CEP192: variants seen among roughly 807,000 people sequenced by gnomAD.
The protein encoded by CEP192 is centrosomal protein of 192 kDa.
Under a neutral mutation model 271.8 loss-of-function variants are expected in CEP192, and 151 were observed. The observed-to-expected ratio is 0.56, with a 90% confidence interval of 0.49 to 0.64. The LOEUF is 0.64. Among genes scored for constraint, CEP192 ranks in the 30% least tolerant of loss-of-function variants. The probability of loss-of-function intolerance (pLI) is 0.00; values close to 1 mark genes in which losing one functional copy is unlikely to be tolerated. For synonymous variants in CEP192, 995 were observed against 1,076.5 expected (o/e 0.92, Z 1.48); for missense variants, 2,910 against 3,020.5 (o/e 0.96, Z 0.86).
At chr18:13,011,971 A>G (rs930244193) in intron 4 of CEP192, among the ~76,000 whole-genome samples, 6 of 152,256 alleles carry the variant, frequency 3.9e-5, no homozygotes, top group African/African-American at 1.4e-4. Context: ...CTCATCCACA[A>G]AAAGGAGCAA....
Position 13,029,934 on chromosome 18 carries a change from C to T in CEP192, c.1322C>T (p.Ala441Val). 1 of 1,551,620 alleles carries T rather than the reference C, an allele frequency of 6.4e-7. No homozygotes were observed. Among genetic ancestry groups the T allele is most frequent in the Non-Finnish European group, 8.7e-7 (1 of 1,146,926 alleles). Residue 441 changes from alanine (A) to valine (V), a missense_variant, in exon 10 of 45, where the codon GCC becomes GTC. Ala to Val is a moderately conservative substitution (Grantham distance 64). Coordinates refer to ENST00000506447, the MANE Select transcript of CEP192 (RefSeq NM_032142.4). ...ISDSGINFTDAIWSPTCERRT... is the reference protein window; with the variant it reads ...ISDSGINFTDVIWSPTCERRT... Reference sequence around the variant, plus strand: ...GACAGTGGAATTAATTTCACTGATGCCATTTGGTCACCAACTTGTGAAAGG... The same window carrying T: ...GACAGTGGAATTAATTTCACTGATGTCATTTGGTCACCAACTTGTGAAAGG...
intron 40 of CEP192, among the ~76,000 whole-genome samples, chr18:13,107,625 A>G (rs901219823): frequency 1.3e-5 from 2 of 152,176 alleles, no homozygotes; most frequent in African/African-American, 2.4e-5. Flanking sequence ...TCTCTCCAGG[A>G]TTTTTTGTTT....
At chr18:13,056,756 A>G in intron 19 of CEP192, 58 bp downstream of exon 19, 1 of 1,390,118 alleles carries the variant, frequency 7.2e-7, no homozygotes, top group Non-Finnish European at 9.8e-7. Context: ...ATGACACCAC[A>G]AAGCTAGTTT....
At position 13,069,181 on chromosome 18, in the gene CEP192, G is replaced by T; in HGVS notation, c.5055G>T (p.Lys1685Asn). The T allele has an allele frequency of 6.2e-7, 1 of 1,611,672 alleles. No individual in the cohort carries two copies. The highest frequency in any genetic ancestry group is 8.5e-7 in the Non-Finnish European group (1 of 1,177,712). ...ACATTGAAGTTTATTTGGATATCAAGGTATGCACTTCCATGAGAGTGCCAT... is the reference window on the plus strand; with the variant it reads ...ACATTGAAGTTTATTTGGATATCAATGTATGCACTTCCATGAGAGTGCCAT... ...AGNIEVYLDI[K>N]VPEQGSHFSV... The change falls in exon 26 of 45, where the codon AAG becomes AAT. Residue 1685 changes from lysine (K) to asparagine (N), a missense_variant and splice_region_variant. Lys to Asn is a moderately conservative substitution (Grantham distance 94). Coordinates refer to ENST00000506447, the MANE Select transcript of CEP192 (RefSeq NM_032142.4).
At chr18:13,059,501 A>G (rs1318039845) in intron 21 of CEP192, among the ~76,000 whole-genome samples, 189 bp downstream of exon 21, 1 of 152,238 alleles carries the variant, frequency 6.6e-6, no homozygotes, top group Non-Finnish European at 1.5e-5. Flanking sequence ...ACAGTAACAC[A>G]AGTATACTTG....
chr18:13,068,541 G>GT (rs1160662897), intron 24 of CEP192, 119 bp downstream of exon 24: 20 of 949,606 alleles, frequency 2.1e-5, no homozygotes, highest in East Asian at 7.5e-5. Flanking sequence ...ACTATTTTAT[G>GT]TTTTTTTGAA....
rs537090881 is a variant in CEP192 at position 13,008,775 on chromosome 18, C to T, written c.466+144C>T. The T allele has an allele frequency of 2.3e-5, 14 of 617,598 alleles. No individual in the cohort carries two copies. The South Asian group carries it at 2.4e-4, about 11-fold the overall frequency. 38.3% of individuals were successfully genotyped at this position (617,598 alleles called of 1,614,324 possible). ...CTGGAGTGCAGTGGCGTGATCACAG[C>T]TCACTGCAGCCTCAACTTCCTGGGC... On this transcript the variant is annotated intron_variant, in intron 4 of 44. Coordinates refer to ENST00000506447, the MANE Select transcript of CEP192 (RefSeq NM_032142.4).
At chr18:13,036,067 G>C (rs1404142472) in intron 11 of CEP192, among the ~76,000 whole-genome samples, 1 of 151,806 alleles carries the variant, frequency 6.6e-6, no homozygotes. Flanking sequence ...AATCGCTTGA[G>C]CCCAGGAGGT....
intron 33 of CEP192, among the ~76,000 whole-genome samples, chr18:13,090,340 T>C (rs2039083335): frequency 6.6e-6 from 1 of 152,208 alleles, no homozygotes; most frequent in Non-Finnish European, 1.5e-5. Context: ...ACAAAACCTT[T>C]TTGAAGTTTG....
chr18:13,081,570 T>A (rs1281354080), intron 30 of CEP192, among the ~76,000 whole-genome samples: 1 of 152,214 alleles, frequency 6.6e-6, no homozygotes, highest in Non-Finnish European at 1.5e-5. Flanking sequence ...ATTTTGTTGA[T>A]CTTTTCAAAA....
chr18:13,109,865 C>T (rs2040129877), intron 40 of CEP192, among the ~76,000 whole-genome samples: 1 of 152,034 alleles, frequency 6.6e-6, no homozygotes, highest in Non-Finnish European at 1.5e-5. Flanking sequence ...GAGAATCTAG[C>T]AGAATGAGAT....
At chr18:13,084,320 C>T (rs2144656199) in intron 30 of CEP192, among the ~76,000 whole-genome samples, 1 of 152,336 alleles carries the variant, frequency 6.6e-6, no homozygotes, top group Middle Eastern at 3.4e-3. Context: ...CTACTCAAGC[C>T]TCAGCAATGG....
intron 15 of CEP192, among the ~76,000 whole-genome samples, chr18:13,045,187 T>G (rs927302399): frequency 1.3e-5 from 2 of 152,192 alleles, no homozygotes; most frequent in Non-Finnish European, 2.9e-5. Context: ...ACAATTTTAT[T>G]TATTCTCAAT....
intron 17 of CEP192, among the ~76,000 whole-genome samples, chr18:13,050,260 G>A (rs1374868026): frequency 1.3e-5 from 2 of 152,066 alleles, no homozygotes; most frequent in Non-Finnish European, 2.9e-5. Flanking sequence ...GTCTTTTGTG[G>A]CTTTATAAAA....
In CEP192 at chr18:13,084,128, T is replaced by C. The variant is rs183153113; in HGVS notation, c.5617-2889T>C. Among the ~76,000 whole-genome samples the C allele has an allele frequency of 2.8e-3, 426 of 152,278 alleles. 1 individual carries two copies. Among genetic ancestry groups the C allele is most frequent in the Non-Finnish European group, 5.3e-3 (359 of 68,020 alleles). ...GTCTGTTCTCAGAGCTCAAACGTCA[T>C]GCTGGGAGAACCACTGCTCTCTTCA... On this transcript the variant is annotated intron_variant, in intron 30 of 44. Coordinates refer to ENST00000506447, the MANE Select transcript of CEP192 (RefSeq NM_032142.4).
chr18:13,041,056 A>G (rs1003147346), intron 14 of CEP192, 100 bp downstream of exon 14: 30 of 934,662 alleles, frequency 3.2e-5, no homozygotes, highest in Non-Finnish European at 4.6e-5. Context: ...GTGAAAATGT[A>G]TATAACACTT....
intron 26 of CEP192, among the ~76,000 whole-genome samples, 153 bp downstream of exon 26, chr18:13,069,334 A>G (rs2144401359): frequency 6.6e-6 from 1 of 152,334 alleles, no homozygotes; most frequent in Non-Finnish European, 1.5e-5. Flanking sequence ...ACTGGGTGTT[A>G]TATAGCATAA....
intron 40 of CEP192, among the ~76,000 whole-genome samples, chr18:13,108,907 A>G (rs921610962): frequency 6.6e-6 from 1 of 152,172 alleles, no homozygotes; most frequent in African/African-American, 2.4e-5. Context: ...AAAAAACAAT[A>G]GATGCTAGCA....
intron 30 of CEP192, among the ~76,000 whole-genome samples, chr18:13,076,495 C>T (rs541944281): frequency 1.3e-5 from 2 of 152,310 alleles, no homozygotes; most frequent in East Asian, 1.9e-4. Context: ...GGATTACAGG[C>T]GTGAGCCACG....
Sources: allele counts gnomAD v4.1 joint callset (sites outside exome capture counted in the v4.1 genomes callset), GRCh38; gene constraint gnomAD v4.1.1; transcripts MANE v1.5; gene names NCBI Gene and HGNC (gene_info 2026-07-23, HGNC 2026-07-21).